The following MRTFB variants were observed in gnomAD, a reference collection of about 807,000 sequenced individuals.
MRTFB encodes myocardin-related transcription factor B.
A neutral mutation model predicts 104.2 loss-of-function variants in MRTFB; 29 were observed. The ratio of observed to expected loss-of-function variants is 0.28; its 90% CI spans 0.21 to 0.38. The LOEUF (loss-of-function observed/expected upper bound fraction) is 0.38, where lower values mean the gene tolerates loss of function less well. Among genes scored for constraint, MRTFB ranks in the 10% least tolerant of loss-of-function variants. The pLI, the probability that MRTFB is intolerant of heterozygous loss-of-function variation, is 1.00. For synonymous variants in MRTFB, 535 were observed against 519.5 expected, an observed-to-expected ratio of 1.03 and a Z score of -0.41; for missense variants, 1,270 against 1,341.6, an observed-to-expected ratio of 0.95 and a Z score of 0.83.
At chr16:14,212,096 G>C (rs181063019) in intron 4 of MRTFB, among the ~76,000 whole-genome samples, 1 of 152,330 alleles carries the variant, frequency 6.6e-6, no homozygotes, top group East Asian at 1.9e-4. Context: ...TGAGTAGTCA[G>C]AACTAGTCTG....
intron 3 of MRTFB, among the ~76,000 whole-genome samples, chr16:14,192,995 T>TATC (rs1274220898): frequency 6.6e-6 from 1 of 152,060 alleles, no homozygotes; most frequent in East Asian, 1.9e-4. Context: ...CACAGCACTG[T>TATC]ATCATCACGG....
At chr16:14,020,129 G>A in the MRTFB span, among the ~76,000 whole-genome samples, 1 of 150,538 alleles carries the variant, frequency 6.6e-6, no homozygotes, top group Non-Finnish European at 1.5e-5. Flanking sequence ...CCCACTGACT[G>A]GGTACCCCCT....
At chr16:14,051,303 G>A in the MRTFB span, among the ~76,000 whole-genome samples, 3 of 150,966 alleles carry the variant, frequency 2.0e-5, no homozygotes, top group Non-Finnish European at 4.4e-5. Context: ...CACCATAGAC[G>A]TACAGACACA....
chr16:14,140,928 T>G (rs2037966625), intron 3 of MRTFB, 168 bp downstream of exon 3: 1 of 600,834 alleles, frequency 1.7e-6, no homozygotes, highest in Admixed American at 3.1e-5. Flanking sequence ...AATTTCACTT[T>G]CCATTCAGTT....
chr16:13,997,834 A>G, the MRTFB span, among the ~76,000 whole-genome samples: 3 of 151,546 alleles, frequency 2.0e-5, no homozygotes, highest in African/African-American at 7.3e-5. Flanking sequence ...CATTTATTCA[A>G]CAAACATTTG....
At chr16:14,048,218 T>TG in the MRTFB span, among the ~76,000 whole-genome samples, 1 of 152,104 alleles carries the variant, frequency 6.6e-6, no homozygotes, top group Admixed American at 6.6e-5. Flanking sequence ...ATGCAAGAGG[T>TG]GGGTTCCCAT....
chr16:14,007,398 G>A, the MRTFB span, among the ~76,000 whole-genome samples: 53 of 152,206 alleles, frequency 3.5e-4, no homozygotes, highest in African/African-American at 6.7e-4. Flanking sequence ...CCCATGTTGC[G>A]GCAGGGATCA....
Position 14,187,042 on chromosome 16 carries a change from C to T in MRTFB, c.155-23201C>T, listed in dbSNP as rs747559107. 4 of 1,592,460 alleles carry T rather than the reference C, an allele frequency of 2.5e-6. No individual in the cohort carries two copies. In the African/African-American group the frequency reaches 4.0e-5, roughly 16 times the overall value. On this transcript the variant is annotated intron_variant, in intron 3 of 16. Transcript: ENST00000571589. ...CAGAAAAGTCTCAAGGAAGGTCAGT[C>T]TGTCTGTGGACAGGGGCAAAACTGC...
chr16:14,115,960 A>G (rs1034091872), intron 2 of MRTFB, among the ~76,000 whole-genome samples: 2 of 152,118 alleles, frequency 1.3e-5, no homozygotes, highest in African/African-American at 4.8e-5. Flanking sequence ...CTCCCACTCC[A>G]TCTCCTTGCC....
chr16:14,255,473 G>A (rs1047692546), intron 15 of MRTFB, among the ~76,000 whole-genome samples: 6 of 152,222 alleles, frequency 3.9e-5, no homozygotes, highest in African/African-American at 1.4e-4. Flanking sequence ...AGCACGTTTA[G>A]AAGTTTTTAG....
At chr16:14,086,701 C>T (rs2034723557) in intron 2 of MRTFB, among the ~76,000 whole-genome samples, 1 of 152,062 alleles carries the variant, frequency 6.6e-6, no homozygotes, top group Admixed American at 6.5e-5. Context: ...TTACTGATGA[C>T]TTAATTTATT....
chr16:14,221,428 C>T (rs1032121615), intron 8 of MRTFB, among the ~76,000 whole-genome samples: 1 of 152,218 alleles, frequency 6.6e-6, no homozygotes, highest in African/African-American at 2.4e-5. Flanking sequence ...TAACCTCATA[C>T]TCAGCACAGG....
intron 3 of MRTFB, among the ~76,000 whole-genome samples, chr16:14,158,973 TAAA>T (rs397854767): frequency 1.7e-5 from 2 of 119,906 alleles, no homozygotes; most frequent in African/African-American, 2.8e-5. Context: ...TCATAAAGAT[TAAA>T]AAAAAAAAAA....
Position 14,182,325 on chromosome 16 carries a change from G to A in MRTFB, c.155-27918G>A, listed in dbSNP as rs80349685. On this transcript the variant is annotated intron_variant, in intron 3 of 16. Coordinates refer to ENST00000571589, the MANE Select transcript of MRTFB (RefSeq NM_001308142.2). ...GCAGTGGCAGTGGTGATGTATACAG[G>A]GTGTCCATGAGTGGAGTGGCAGAAG... Among the ~76,000 whole-genome samples the A allele has an allele frequency of 2.3e-3, 343 of 152,250 alleles. 5 individuals are homozygous for A. The East Asian group carries it at 0.042, about 19-fold the overall frequency.
chr16:14,071,081 C>A (rs1252507527), upstream of MRTFB, among the ~76,000 whole-genome samples: 2 of 152,184 alleles, frequency 1.3e-5, no homozygotes, highest in East Asian at 1.9e-4. Flanking sequence ...CGCACGCGCA[C>A]CCGGCCGGCC....
chr16:14,157,863 A>G (rs1157447728), intron 3 of MRTFB, among the ~76,000 whole-genome samples: 1 of 152,122 alleles, frequency 6.6e-6, no homozygotes, highest in African/African-American at 2.4e-5. Context: ...TCAATGTATA[A>G]TTTGTACTTT....
At chr16:14,021,273 G>T in the MRTFB span, among the ~76,000 whole-genome samples, 1 of 152,172 alleles carries the variant, frequency 6.6e-6, no homozygotes, top group Admixed American at 6.5e-5. Flanking sequence ...AGTTCTTCGT[G>T]GTTGTAGGAC....
At chr16:14,159,856 G>C (rs886979961) in intron 3 of MRTFB, among the ~76,000 whole-genome samples, 2 of 147,962 alleles carry the variant, frequency 1.4e-5, no homozygotes, top group Non-Finnish European at 3.0e-5. Context: ...CGTGAACCCG[G>C]GAGGCGGAGC....
At chr16:14,160,237 T>A (rs962763640) in intron 3 of MRTFB, among the ~76,000 whole-genome samples, 3 of 152,030 alleles carry the variant, frequency 2.0e-5, no homozygotes, top group African/African-American at 7.3e-5. Context: ...CCTTTAAAAA[T>A]TTTTTTTCAT....
Sources: allele counts gnomAD v4.1 joint callset (sites outside exome capture counted in the v4.1 genomes callset), GRCh38; gene constraint gnomAD v4.1.1; transcripts MANE v1.5; gene names NCBI Gene and HGNC (gene_info 2026-07-23, HGNC 2026-07-21).